Variants in SEMA6D observed in about 807,000 individuals in gnomAD.
SEMA6D encodes semaphorin-6D.
Under a neutral mutation model 106.6 loss-of-function variants are expected in SEMA6D, and 35 were observed. The ratio of observed to expected loss-of-function variants is 0.33; its 90% CI spans 0.25 to 0.44. The LOEUF (loss-of-function observed/expected upper bound fraction) is 0.44, where lower values mean the gene tolerates loss of function less well. Among genes scored for constraint, SEMA6D ranks in the 20% least tolerant of loss-of-function variants. The pLI is 1.00. For missense variants in SEMA6D, 1,185 were observed against 1,345.9 expected, an observed-to-expected ratio of 0.88 and a Z score of 1.87; for synonymous variants, 499 against 487.7, an observed-to-expected ratio of 1.02 and a Z score of -0.31.
chr15:47,723,418 C>A (rs2079540240), intron 1 of SEMA6D, among the ~76,000 whole-genome samples: 1 of 152,032 alleles, frequency 6.6e-6, no homozygotes, highest in African/African-American at 2.4e-5. Flanking sequence ...GTGTGATTGA[C>A]ATTCATTTCC....
At chr15:47,360,566 G>C (rs568692466) in intron 1 of SEMA6D, among the ~76,000 whole-genome samples, 1 of 152,320 alleles carries the variant, frequency 6.6e-6, no homozygotes, top group South Asian at 2.1e-4. Flanking sequence ...AGTGCTTCAT[G>C]AGACTACAGG....
At chr15:47,343,656 T>C (rs1167679079) in intron 1 of SEMA6D, among the ~76,000 whole-genome samples, 1 of 152,172 alleles carries the variant, frequency 6.6e-6, no homozygotes, top group Non-Finnish European at 1.5e-5. Context: ...CAGTCTATCA[T>C]TGTGGGATAT....
rs542141570 is a variant in SEMA6D at position 47,410,820 on chromosome 15, T to C, written c.-238-1573T>C. 7.7e-4 allele frequency among the ~76,000 whole-genome samples: 118 copies of C among 152,302 alleles called. 1 individual carries two copies. The highest frequency in any genetic ancestry group is 3.6e-3 in the Admixed American group (55 of 15,300). On this transcript the variant is annotated intron_variant, in intron 1 of 19. Coordinates refer to the SEMA6D transcript ENST00000558014. ...CACCCATTCTCAATACTTGCCCAAA[T>C]ATTTTCAGTCTTTAACAAAACTGAC...
chr15:47,484,118 G>A (rs1252343693), intron 3 of SEMA6D, among the ~76,000 whole-genome samples: 1 of 152,134 alleles, frequency 6.6e-6, no homozygotes, highest in Non-Finnish European at 1.5e-5. Context: ...ACACAGGAGG[G>A]CTCCCTTCTC....
chr15:47,621,384 T>G (rs1040127606), intron 4 of SEMA6D, among the ~76,000 whole-genome samples: 1 of 152,134 alleles, frequency 6.6e-6, no homozygotes, highest in Non-Finnish European at 1.5e-5. Context: ...AGGACAGATT[T>G]TTTTTTTTAA....
intron 16 of SEMA6D, 90 bp from the exon 17 acceptor site, chr15:47,766,947 T>G (rs889379325): frequency 5.3e-5 from 39 of 734,544 alleles, no homozygotes; most frequent in Non-Finnish European, 7.8e-5. Context: ...AGTCTTTTTT[T>G]TTTTTACTTT....
chr15:47,671,609 A>T (rs1420476133), intron 4 of SEMA6D, among the ~76,000 whole-genome samples: 1 of 152,220 alleles, frequency 6.6e-6, no homozygotes, highest in Admixed American at 6.5e-5. Context: ...CAATGGATTC[A>T]AGTAGTCAGT....
intron 3 of SEMA6D, among the ~76,000 whole-genome samples, chr15:47,513,772 A>G (rs1247619318): frequency 6.6e-6 from 1 of 152,246 alleles, no homozygotes; most frequent in East Asian, 1.9e-4. Flanking sequence ...ATACCGAACC[A>G]GTCATATGGG....
In SEMA6D at chr15:47,684,513, T is replaced by G. The variant is rs547071268; in HGVS notation, c.-54-75232T>G. On this transcript the variant is annotated intron_variant, in intron 4 of 19. Coordinates refer to the SEMA6D transcript ENST00000558014. ...CATATTAAAGCACAGAGACATGATA[T>G]AGAATGTAAGCTCCATAATAGCAGG... Among the ~76,000 whole-genome samples the G allele has an allele frequency of 3.3e-3, 498 of 152,294 alleles. 2 individuals carry two copies. Among genetic ancestry groups the G allele is most frequent in the African/African-American group, 0.012 (484 of 41,568 alleles).
intron 4 of SEMA6D, among the ~76,000 whole-genome samples, chr15:47,695,515 GACAC>G (rs752232562): frequency 3.3e-5 from 5 of 151,802 alleles, no homozygotes; most frequent in Non-Finnish European, 7.4e-5. Context: ...CACACGCATA[GACAC>G]ACACACGAAC....
chr15:47,254,319 A>ATGTG (rs370707378), intron 1 of SEMA6D, among the ~76,000 whole-genome samples: 4,378 of 134,630 alleles, frequency 0.033, 121 homozygotes, highest in South Asian at 0.06. Flanking sequence ...ATGTATATAT[A>ATGTG]TGTGTGTGTG....
intron 3 of SEMA6D, among the ~76,000 whole-genome samples, chr15:47,580,174 C>A (rs553255121): frequency 6.6e-6 from 1 of 152,208 alleles, no homozygotes; most frequent in South Asian, 2.1e-4. Flanking sequence ...TTATATGGAG[C>A]GGAGGGACAG....
At chr15:47,747,426 A>G (rs1484745557) in intron 1 of SEMA6D, among the ~76,000 whole-genome samples, 1 of 152,222 alleles carries the variant, frequency 6.6e-6, no homozygotes, top group Non-Finnish European at 1.5e-5. Flanking sequence ...ATATGTAACC[A>G]AAGTATTACT....
chr15:47,710,065 G>A (rs2078985951), intron 4 of SEMA6D, among the ~76,000 whole-genome samples: 1 of 152,094 alleles, frequency 6.6e-6, no homozygotes, highest in Non-Finnish European at 1.5e-5. Context: ...CAATGACTGG[G>A]CAATTGGATA....
In SEMA6D at chr15:47,746,982, G is replaced by GTATATATATATA. The variant is rs1208849790; in HGVS notation, c.-54-12762_-54-12761insATATATATATAT. Among the ~76,000 whole-genome samples the GTATATATATATA allele has an allele frequency of 2.0e-4, 18 of 89,866 alleles. 1 individual carries two copies. Among genetic ancestry groups the GTATATATATATA allele is most frequent in the South Asian group, 1.1e-3 (3 of 2,840 alleles). 59.0% of individuals were successfully genotyped at this position (89,866 alleles called of 152,430 possible). ...CAACAGTCTCCTGCTGTGTGTGTGTGTGTATATATATATATATATATTTCG... is the reference window on the plus strand; with the variant it reads ...CAACAGTCTCCTGCTGTGTGTGTGTGTATATATATATATGTATATATATATATATATATTTCG... On this transcript the variant is annotated intron_variant, in intron 1 of 18. Transcript: ENST00000536845.
chr15:47,491,103 C>T (rs1183845115), intron 3 of SEMA6D, among the ~76,000 whole-genome samples: 7 of 152,096 alleles, frequency 4.6e-5, no homozygotes, highest in African/African-American at 9.7e-5. Context: ...TATACACGTA[C>T]GTACATATAA....
intron 18 of SEMA6D, among the ~76,000 whole-genome samples, chr15:47,769,201 CCACA>C (rs1476431865): frequency 6.6e-6 from 1 of 152,146 alleles, no homozygotes; most frequent in Non-Finnish European, 1.5e-5. Flanking sequence ...TGCTTGAATG[CCACA>C]AGCAATAAAA....
chr15:47,564,270 C>T (rs906470569), intron 3 of SEMA6D, among the ~76,000 whole-genome samples: 1 of 152,190 alleles, frequency 6.6e-6, no homozygotes, highest in Non-Finnish European at 1.5e-5. Context: ...TCCCTGGAGG[C>T]AGTAATGAGG....
chr15:47,242,910 T>C (rs62013995), intron 1 of SEMA6D, among the ~76,000 whole-genome samples: 1,777 of 152,230 alleles, frequency 0.012, 32 homozygotes, highest in Admixed American at 0.012. Flanking sequence ...AGAACTGAGG[T>C]TAACCCCTAT....
Sources: gnomAD v4.1 joint callset for allele counts (sites outside exome capture counted in the v4.1 genomes callset) on GRCh38, gnomAD v4.1.1 for gene constraint, MANE v1.5 for transcripts, NCBI Gene and HGNC (gene_info 2026-07-23, HGNC 2026-07-21) for gene names.